The following TBC1D5 variants were observed in gnomAD, a reference collection of about 807,000 sequenced individuals.
The protein encoded by TBC1D5 is TBC1 domain family member 5, also known as TBC1 domain family, member 5.
A neutral mutation model predicts 100.3 loss-of-function variants in TBC1D5; 75 were observed. The observed-to-expected ratio is 0.75, with a 90% CI of 0.62 to 0.91. The LOEUF (loss-of-function observed/expected upper bound fraction) is 0.91. Ranked by LOEUF, TBC1D5 falls within the 40% of genes least tolerant of loss-of-function variation. TBC1D5 has a pLI of 0.00. For synonymous variants in TBC1D5, 323 were observed against 325.6 expected (o/e 0.99, Z 0.09); for missense variants, 910 against 942.4 (o/e 0.97, Z 0.45).
chr3:17,489,145 T>G (rs150186807), intron 3 of TBC1D5, among the ~76,000 whole-genome samples: 190 of 152,124 alleles, frequency 1.2e-3, no homozygotes, highest in Admixed American at 2.2e-3. Flanking sequence ...CTGAGTGCAA[T>G]GAGTATCAAA....
intron 3 of TBC1D5, among the ~76,000 whole-genome samples, chr3:17,491,435 T>C (rs559760236): frequency 7.2e-5 from 11 of 152,344 alleles, no homozygotes; most frequent in African/African-American, 2.4e-4. Context: ...CAGTATGATA[T>C]TGGCAGTGGG....
At position 17,523,556 on chromosome 3, in the gene TBC1D5, A is replaced by G. The variant is rs756918807; in HGVS notation, c.-35-14951T>C. Among the ~76,000 whole-genome samples, 209 of 152,236 alleles carry G rather than the reference A, an allele frequency of 1.4e-3. 3 individuals are homozygous for G. Among genetic ancestry groups the G allele is most frequent in the Middle Eastern group, 3.4e-3 (1 of 294 alleles). On this transcript the variant is annotated intron_variant, in intron 2 of 21. Coordinates refer to ENST00000253692, the Ensembl canonical transcript of TBC1D5. ...GACAGAGAAAGTTGACCAGAGGTCAACTCAAAAAAGATTGTTCTGAAGCCA... is the reference window on the plus strand; with the variant it reads ...GACAGAGAAAGTTGACCAGAGGTCAGCTCAAAAAAGATTGTTCTGAAGCCA...
At chr3:17,292,959 T>C (rs1315550666) in intron 14 of TBC1D5, among the ~76,000 whole-genome samples, 1 of 152,228 alleles carries the variant, frequency 6.6e-6, no homozygotes, top group Non-Finnish European at 1.5e-5. Context: ...GATTTTTAGA[T>C]TATTTTTTCT....
chr3:17,610,699 T>G (rs2061612421), intron 2 of TBC1D5, among the ~76,000 whole-genome samples: 1 of 152,186 alleles, frequency 6.6e-6, no homozygotes, highest in Non-Finnish European at 1.5e-5. Flanking sequence ...ATGTTTCTTC[T>G]AGCAGAAAGT....
At chr3:17,700,853 G>A (rs891648611) in intron 1 of TBC1D5, among the ~76,000 whole-genome samples, 4 of 152,134 alleles carry the variant, frequency 2.6e-5, no homozygotes, top group Admixed American at 2.6e-4. Context: ...AGGATGTGGA[G>A]AAATAGGAAC....
chr3:17,215,704 C>A (rs2073552997), intron 17 of TBC1D5, among the ~76,000 whole-genome samples: 1 of 152,008 alleles, frequency 6.6e-6, no homozygotes, highest in Non-Finnish European at 1.5e-5. Context: ...CAGATTGGCC[C>A]CTTGGAAACG....
At chr3:17,642,535 T>C (rs2064622650) in intron 1 of TBC1D5, among the ~76,000 whole-genome samples, 2 of 152,172 alleles carry the variant, frequency 1.3e-5, no homozygotes, top group African/African-American at 4.8e-5. Context: ...TCATCTACCA[T>C]ATTTCTAATC....
At chr3:17,720,639 C>T (rs2075621692) in intron 1 of TBC1D5, among the ~76,000 whole-genome samples, 1 of 151,966 alleles carries the variant, frequency 6.6e-6, no homozygotes, top group Admixed American at 6.6e-5. Flanking sequence ...GAGACCCTGC[C>T]TCTAAAACAA....
chr3:17,189,575 G>A (rs927450822), intron 18 of TBC1D5, among the ~76,000 whole-genome samples: 1 of 152,158 alleles, frequency 6.6e-6, no homozygotes, highest in African/African-American at 2.4e-5. Flanking sequence ...GTATTAACAT[G>A]TTTACTCTTC....
rs532019548 is a variant in TBC1D5, at chr3:17,582,742, C to G, written c.-36+41107G>C. Among the ~76,000 whole-genome samples the G allele has an allele frequency of 7.2e-5, 10 of 138,420 alleles. No homozygotes were observed. In the South Asian group the frequency reaches 2.3e-3, roughly 32 times the overall value. The allele number at this position is 138,420 out of a possible 152,430, so 90.8% of individuals were successfully genotyped here. A position where few individuals can be genotyped will look rare whatever the true frequency, so the allele number is the denominator to read the frequency against. On this transcript the variant is annotated intron_variant, in intron 2 of 21. Transcript: ENST00000253692. Reference sequence around the variant, plus strand: ...TATGAGCATTAAACAAAAAGAATGGCAATTTAAACTCTGATTAAAAAAACT... The same window carrying G: ...TATGAGCATTAAACAAAAAGAATGGGAATTTAAACTCTGATTAAAAAAACT...
chr3:17,216,580 C>T (rs1209723631), intron 17 of TBC1D5, among the ~76,000 whole-genome samples: 1 of 152,058 alleles, frequency 6.6e-6, no homozygotes, highest in East Asian at 1.9e-4. Flanking sequence ...AGAGAACAGG[C>T]CCCAAGGCCT....
chr3:17,694,023 T>C (rs1224067844), intron 1 of TBC1D5, among the ~76,000 whole-genome samples: 2 of 152,078 alleles, frequency 1.3e-5, no homozygotes, highest in Admixed American at 1.3e-4. Flanking sequence ...GAAGGAAAAC[T>C]AACAAACAGA....
At chr3:17,223,333 C>T (rs1211934565) in intron 17 of TBC1D5, among the ~76,000 whole-genome samples, 1 of 152,032 alleles carries the variant, frequency 6.6e-6, no homozygotes, top group East Asian at 1.9e-4. Flanking sequence ...CCTATTCCCC[C>T]CGCAAAAAAG....
intron 1 of TBC1D5, among the ~76,000 whole-genome samples, chr3:17,695,723 G>C (rs2153836807): frequency 6.6e-6 from 1 of 152,284 alleles, no homozygotes; most frequent in South Asian, 2.1e-4. Context: ...TCTAGGACTT[G>C]AACTCAGCTC....
At chr3:17,494,459 G>A (rs1233709815) in intron 3 of TBC1D5, among the ~76,000 whole-genome samples, 5 of 152,202 alleles carry the variant, frequency 3.3e-5, no homozygotes, top group Admixed American at 3.3e-4. Context: ...CACTGTGCTG[G>A]GGGGAATCCT....
chr3:17,470,777 C>G (rs1362123785), intron 3 of TBC1D5, among the ~76,000 whole-genome samples: 4 of 151,936 alleles, frequency 2.6e-5, no homozygotes, highest in African/African-American at 7.3e-5. Context: ...AAAAAATCAG[C>G]CAGGTGTGGT....
Position 17,167,693 on chromosome 3 carries a change from G to A in TBC1D5, c.1932+56C>T. 2.0e-6 allele frequency: 3 copies of A among 1,513,258 alleles called. No individual in the cohort carries two copies. The South Asian group carries it at 3.4e-5, about 17-fold the overall frequency. 93.7% of individuals were successfully genotyped at this position (1,513,258 alleles called of 1,614,324 possible). ...CATCATGGTGCTCCATGCCCTGGGG[G>A]GCCCTCCCCGCGGCAGGCGGGACAC... On this transcript the variant is annotated intron_variant, in intron 20 of 21. Transcript: ENST00000253692.
In TBC1D5 at chr3:17,634,654, GAC is replaced by G. The variant is rs2063761761; in HGVS notation, c.-100-10743_-100-10742del. Among the ~76,000 whole-genome samples the G allele has an allele frequency of 2.1e-5, 3 of 144,584 alleles. No homozygotes were observed. The South Asian group carries it at 6.8e-4, about 33-fold the overall frequency. 94.9% of individuals were successfully genotyped at this position (144,584 alleles called of 152,430 possible). A position where few individuals can be genotyped will look rare whatever the true frequency, so the allele number is the denominator to read the frequency against. On this transcript the variant is annotated intron_variant, in intron 1 of 21. Coordinates refer to ENST00000253692, the Ensembl canonical transcript of TBC1D5. ...AAAAAAAAAAAAAAAAAGTGAATAAGACTAAGTATTTGATAGCACAACAGAGT... is the reference window on the plus strand; with the variant it reads ...AAAAAAAAAAAAAAAAAGTGAATAAGTAAGTATTTGATAGCACAACAGAGT...
intron 3 of TBC1D5, among the ~76,000 whole-genome samples, chr3:17,429,335 T>A (rs9310516): frequency 0.49 from 75,061 of 151,642 alleles, 20,142 homozygotes; most frequent in African/African-American, 0.68. Flanking sequence ...TCAATTTTTT[T>A]AAATATATAC....
Sources: allele counts gnomAD v4.1 joint callset (sites outside exome capture counted in the v4.1 genomes callset), GRCh38; gene constraint gnomAD v4.1.1; transcripts MANE v1.5; gene names NCBI Gene and HGNC (gene_info 2026-07-23, HGNC 2026-07-21).